The following CFAP92 variants were observed in gnomAD, a reference collection of about 807,000 sequenced individuals.
The protein encoded by CFAP92 is cilia and flagella associated protein 92 (putative).
A neutral mutation model predicts 106.3 loss-of-function variants in CFAP92; 86 were observed. The ratio of observed to expected loss-of-function variants is 0.81; its 90% CI spans 0.68 to 0.97. The LOEUF (loss-of-function observed/expected upper bound fraction) is 0.97. CFAP92 is among the 50% of genes least tolerant of loss of function. CFAP92 has a pLI of 0.00. For synonymous variants in CFAP92, 477 were observed against 506.4 expected, an observed-to-expected ratio of 0.94 and a Z score of 0.78; for missense variants, 1,204 against 1,283.8, an observed-to-expected ratio of 0.94 and a Z score of 0.95.
At chr3:128,956,922 G>C (rs1193124703) in intron 9 of CFAP92, among the ~76,000 whole-genome samples, 2 of 144,544 alleles carry the variant, frequency 1.4e-5, no homozygotes, top group East Asian at 4.0e-4. Context: ...AGACGTTGCA[G>C]TGAGCCAACA....
chr3:128,920,234 T>TAGAAATTAGTATA (rs1937156445), intron 12 of CFAP92, among the ~76,000 whole-genome samples: 1 of 152,122 alleles, frequency 6.6e-6, no homozygotes, highest in South Asian at 2.1e-4. Flanking sequence ...TGAAACCCTG[T>TAGAAATTAGTATA]TTCTACTAAT....
At chr3:128,917,057 C>A (rs919085966) in intron 12 of CFAP92, among the ~76,000 whole-genome samples, 6 of 152,052 alleles carry the variant, frequency 3.9e-5, no homozygotes, top group African/African-American at 7.2e-5. Flanking sequence ...CAGGGGAGGA[C>A]AAAATTTGTG....
intron 6 of CFAP92, 76 bp downstream of exon 6, chr3:128,976,903 A>T: frequency 1.7e-6 from 2 of 1,169,428 alleles, no homozygotes; most frequent in Non-Finnish European, 2.6e-6. Context: ...TTACTAAAAA[A>T]CCTACCACGA....
chr3:128,921,398 T>TA (rs1256640937), intron 12 of CFAP92, among the ~76,000 whole-genome samples: 1 of 152,216 alleles, frequency 6.6e-6, no homozygotes, highest in Non-Finnish European at 1.5e-5. Flanking sequence ...GCTTCTTACA[T>TA]ACAATAATGC....
chr3:129,018,894 G>A, the CFAP92 span, among the ~76,000 whole-genome samples: 1 of 152,198 alleles, frequency 6.6e-6, no homozygotes, highest in African/African-American at 2.4e-5. Flanking sequence ...CACCCCAAAT[G>A]TTGTTCTGCG....
At chr3:128,974,164 C>A (rs1346636127) in intron 7 of CFAP92, among the ~76,000 whole-genome samples, 1 of 152,180 alleles carries the variant, frequency 6.6e-6, no homozygotes, top group African/African-American at 2.4e-5. Flanking sequence ...GAGAGCCTGG[C>A]TCAAGCAGTC....
At chr3:128,926,198 G>A (rs1307192170) in intron 12 of CFAP92, among the ~76,000 whole-genome samples, 1 of 152,146 alleles carries the variant, frequency 6.6e-6, no homozygotes, top group Non-Finnish European at 1.5e-5. Flanking sequence ...ACATTATTGA[G>A]AGAGAGACAG....
At chr3:128,929,269 T>G (rs1018254514) in intron 12 of CFAP92, among the ~76,000 whole-genome samples, 1 of 152,142 alleles carries the variant, frequency 6.6e-6, no homozygotes, top group African/African-American at 2.4e-5. Flanking sequence ...GGATAAGTGT[T>G]TGTATGAATG....
chr3:129,022,508 G>A, the CFAP92 span, among the ~76,000 whole-genome samples: 1 of 152,318 alleles, frequency 6.6e-6, no homozygotes. Context: ...GATTGTATAA[G>A]CCCCTGGGCT....
the CFAP92 span, among the ~76,000 whole-genome samples, chr3:129,018,886 C>T: frequency 1.3e-5 from 2 of 152,208 alleles, no homozygotes; most frequent in African/African-American, 2.4e-5. Flanking sequence ...GGAGTTCCCA[C>T]CCCAAATGTT....
At chr3:128,956,977 CAAA>C (rs766884799) in intron 9 of CFAP92, among the ~76,000 whole-genome samples, 1 of 28,596 alleles carries the variant, frequency 3.5e-5, no homozygotes, top group Admixed American at 3.9e-4. Flanking sequence ...CAGACTCTCT[CAAA>C]AAAAAAAAAA....
chr3:128,916,604 C>CA (rs2107679173), intron 12 of CFAP92, among the ~76,000 whole-genome samples: 1 of 152,078 alleles, frequency 6.6e-6, no homozygotes, highest in South Asian at 2.1e-4. Context: ...AGAGTGTGGA[C>CA]AGGGGATATT....
At chr3:128,967,862 C>A (rs188349473) in intron 8 of CFAP92, 2 of 152,210 alleles carry the variant, frequency 1.3e-5, no homozygotes, top group Non-Finnish European at 2.9e-5. Flanking sequence ...TTGGGGCAGA[C>A]CATTCTTTGC....
At chr3:128,956,977 C>CAAAAAAAAAAAAAAAAAAAAAAA (rs766884799) in intron 9 of CFAP92, among the ~76,000 whole-genome samples, 1 of 28,598 alleles carries the variant, frequency 3.5e-5, no homozygotes, top group African/African-American at 6.6e-5. Context: ...CAGACTCTCT[C>CAAAAAAAAAAAAAAAAAAAAAAA]AAAAAAAAAA....
At chr3:128,956,199 A>AAAAAAT (rs1941381126) in intron 9 of CFAP92, among the ~76,000 whole-genome samples, 2 of 102,064 alleles carry the variant, frequency 2.0e-5, no homozygotes, top group African/African-American at 1.5e-4. Context: ...AAAAAAATAA[A>AAAAAAT]AAAAAAATAA....
chr3:128,942,122 C>T (rs776885234), intron 10 of CFAP92, among the ~76,000 whole-genome samples: 2 of 152,176 alleles, frequency 1.3e-5, no homozygotes, highest in African/African-American at 2.4e-5. Context: ...TTTCTGAGAC[C>T]GCCCTCTGGT....
the CFAP92 span, among the ~76,000 whole-genome samples, chr3:129,023,560 C>A: frequency 6.6e-6 from 1 of 152,166 alleles, no homozygotes; most frequent in African/African-American, 2.4e-5. Context: ...TCTCGACCTC[C>A]TGACCTCATG....
chr3:128,985,900 G>A (rs1458664432), intron 4 of CFAP92, among the ~76,000 whole-genome samples: 15 of 152,204 alleles, frequency 9.9e-5, no homozygotes, highest in Non-Finnish European at 2.1e-4. Context: ...AAATCTGATT[G>A]TCACAACTGG....
chr3:129,002,543 G>A, intron 1 of CFAP92: 2 of 933,538 alleles, frequency 2.1e-6, no homozygotes, highest in South Asian at 2.4e-5. Context: ...TTCCATTCCT[G>A]AAAACCCCAA....
Sources: allele counts gnomAD v4.1 joint callset (sites outside exome capture counted in the v4.1 genomes callset), GRCh38; gene constraint gnomAD v4.1.1; transcripts MANE v1.5; gene names NCBI Gene and HGNC (gene_info 2026-07-23, HGNC 2026-07-21).